Variants in ARPP21 observed in about 807,000 individuals in gnomAD.
ARPP21 encodes the protein cAMP regulated phosphoprotein 21.
ARPP21 carries 69 observed loss-of-function variants against 113.2 expected under a neutral mutation model. The ratio of observed to expected loss-of-function variants is 0.61; its 90% CI spans 0.50 to 0.74. ARPP21 has a LOEUF of 0.74. Among genes scored for constraint, ARPP21 ranks in the 30% least tolerant of loss-of-function variants. The probability of loss-of-function intolerance (pLI) is 0.00; values close to 1 mark genes in which losing one functional copy is unlikely to be tolerated. For synonymous variants in ARPP21, 368 were observed against 375.5 expected (o/e 0.98, Z 0.23); for missense variants, 1,070 against 1,037.4 (o/e 1.03, Z -0.43).
intron 11 of ARPP21, 30 bp downstream of exon 11, chr3:35,709,100 T>C: frequency 1.3e-6 from 2 of 1,487,224 alleles, no homozygotes; most frequent in Non-Finnish European, 1.9e-6. Context: ...GCCTCTTTAG[T>C]GCGCTCCTTC....
Position 35,709,026 on chromosome 3 carries a change from GAA to G in ARPP21, c.854_855del (p.Glu285GlyfsTer28). The G allele has an allele frequency of 6.2e-7, 1 of 1,613,888 alleles. No homozygotes were observed. Among genetic ancestry groups the G allele is most frequent in the South Asian group, 1.1e-5 (1 of 91,074 alleles). ...ACGAAGTAAATCAATTGAAGAGAGA[GAA>G]GAGGAATATCAGAGAGTGAGGGAGA... ...DRRSKSIEER[E>X]EEYQRVRERI... On this transcript the variant is annotated frameshift_variant, in exon 11 of 21. Transcript: ENST00000684406. LOFTEE classifies it high-confidence loss of function.
rs376125168 is a variant in ARPP21 at position 35,683,718 on chromosome 3, C to A, written c.172-8C>A. 26 of 1,029,176 alleles carry A rather than the reference C, an allele frequency of 2.5e-5. No individual in the cohort carries two copies. The South Asian group carries it at 2.7e-4, about 11-fold the overall frequency. The allele number at this position is 1,029,176 out of a possible 1,614,324, so 63.8% of individuals were successfully genotyped here. On this transcript the variant is annotated splice_region_variant and splice_polypyrimidine_tract_variant and intron_variant, in intron 4 of 20. Transcript: ENST00000684406. ...TCCTTTCCTTCCCTTTTCTTTCCCC[C>A]CTCCTAGTCAGGAGCAGGAAAAGGT... is the stretch of plus-strand genomic sequence containing the variant.
intron 19 of ARPP21, among the ~76,000 whole-genome samples, chr3:35,746,382 T>C (rs1362207001): frequency 6.6e-6 from 1 of 152,210 alleles, no homozygotes; most frequent in Non-Finnish European, 1.5e-5. Context: ...TTCCAAATGG[T>C]CATGGCAGTC....
intron 11 of ARPP21, among the ~76,000 whole-genome samples, chr3:35,709,835 G>A (rs34171898): frequency 0.11 from 16,683 of 152,194 alleles, 945 homozygotes; most frequent in Non-Finnish European, 0.12. Context: ...CAGTAGAAGT[G>A]TGAGCTCCTT....
intron 1 of ARPP21, among the ~76,000 whole-genome samples, chr3:35,664,964 A>G (rs939942442): frequency 6.6e-6 from 1 of 152,130 alleles, no homozygotes; most frequent in Admixed American, 6.5e-5. Context: ...TGTGTAACCT[A>G]ATTCAAGTGA....
intron 19 of ARPP21, among the ~76,000 whole-genome samples, chr3:35,748,500 AAAGG>A (rs1391622849): frequency 2.0e-5 from 3 of 151,356 alleles, no homozygotes; most frequent in Non-Finnish European, 1.5e-5. Flanking sequence ...AGGAAGGAAG[AAAGG>A]AAGGAAGGAA....
chr3:35,666,445 A>G (rs1307659675), intron 1 of ARPP21, among the ~76,000 whole-genome samples: 1 of 152,152 alleles, frequency 6.6e-6, no homozygotes, highest in Non-Finnish European at 1.5e-5. Context: ...CCAAGCACAA[A>G]ACATATTTTA....
intron 5 of ARPP21, chr3:35,685,615 T>A: frequency 1.0e-6 from 1 of 985,292 alleles, no homozygotes; most frequent in Non-Finnish European, 1.2e-6. Context: ...TTTGGAAAAC[T>A]GCCTTCATTT....
At chr3:35,772,927 G>A (rs987357396) in intron 19 of ARPP21, among the ~76,000 whole-genome samples, 2 of 152,046 alleles carry the variant, frequency 1.3e-5, no homozygotes, top group Non-Finnish European at 2.9e-5. Flanking sequence ...TTATTAGGTT[G>A]CAATTATTTT....
intron 1 of ARPP21, among the ~76,000 whole-genome samples, chr3:35,660,188 G>GA (rs1707053094): frequency 6.6e-6 from 1 of 152,114 alleles, no homozygotes; most frequent in Non-Finnish European, 1.5e-5. Flanking sequence ...CTAAATTACT[G>GA]AAAAATCTTT....
chr3:35,730,426 A>G (rs1490635186), intron 15 of ARPP21, among the ~76,000 whole-genome samples: 2 of 152,230 alleles, frequency 1.3e-5, no homozygotes, highest in African/African-American at 4.8e-5. Context: ...CCCAGTAGGT[A>G]GAGTACAGAA....
chr3:35,685,481 T>G (rs566472364), intron 5 of ARPP21: 2 of 985,312 alleles, frequency 2.0e-6, no homozygotes, highest in East Asian at 1.1e-4. Flanking sequence ...TGAGTTTATA[T>G]GCAATGCCTT....
intron 9 of ARPP21, among the ~76,000 whole-genome samples, chr3:35,705,224 G>A (rs777561139): frequency 6.6e-6 from 1 of 152,026 alleles, no homozygotes; most frequent in East Asian, 1.9e-4. Context: ...ATAAATATTG[G>A]ATGAAAATGT....
At chr3:35,662,374 A>G (rs1046736755) in intron 1 of ARPP21, among the ~76,000 whole-genome samples, 2 of 152,218 alleles carry the variant, frequency 1.3e-5, no homozygotes, top group African/African-American at 4.8e-5. Context: ...ACTGCAAAGC[A>G]TTTTCAACCC....
At chr3:35,670,141 T>A (rs1416864372) in intron 1 of ARPP21, among the ~76,000 whole-genome samples, 1 of 152,162 alleles carries the variant, frequency 6.6e-6, no homozygotes, top group Non-Finnish European at 1.5e-5. Context: ...CATTTATTTT[T>A]ATAAGATCAT....
intron 15 of ARPP21, among the ~76,000 whole-genome samples, chr3:35,730,659 G>T (rs1262765574): frequency 1.3e-5 from 2 of 152,174 alleles, no homozygotes; most frequent in East Asian, 3.8e-4. Flanking sequence ...TCTTCAATTA[G>T]CTAAACTCAA....
At position 35,792,544 on chromosome 3, in the gene ARPP21, G is replaced by C. The variant is rs1252761918; in HGVS notation, c.2286+14G>C. The C allele has an allele frequency of 6.2e-7, 1 of 1,613,822 alleles. No individual in the cohort carries two copies. Among genetic ancestry groups the C allele is most frequent in the African/African-American group, 1.3e-5 (1 of 75,036 alleles). ...TCTTCTTATCAGGTGCTCATAAGCA[G>C]CTTGGAAAATTGTGGGTTTTAAAGT... is the stretch of plus-strand genomic sequence containing the variant. On this transcript the variant is annotated intron_variant, in intron 20 of 20. Transcript: ENST00000684406.
In ARPP21 at chr3:35,721,832, C is replaced by T; in HGVS notation, c.1223C>T (p.Ala408Val). Residue 408 changes from alanine (A) to valine (V), a missense_variant and splice_region_variant, in exon 14 of 21, where the codon GCA (alanine) becomes GTA (valine). Transcript: ENST00000684406. The part of the protein sequence containing the change: ...STRSTGKLSK[A>V]GSESSSSAGS... The stretch of plus-strand genomic sequence containing the variant: ...AGGAGTACCGGGAAGCTGTCCAAAG[C>T]AGGTAGTTAGTACTGAATGTGTTTA... 6.3e-7 allele frequency: 1 copy of T among 1,594,704 alleles called. No homozygotes were observed. The highest frequency in any genetic ancestry group is 1.1e-5 in the South Asian group (1 of 88,540).
intron 5 of ARPP21, chr3:35,684,383 A>G: frequency 2.0e-6 from 2 of 985,456 alleles, no homozygotes; most frequent in Non-Finnish European, 2.4e-6. Flanking sequence ...TATTATTAAT[A>G]TATCACTGCA....
Sources: allele counts gnomAD v4.1 joint callset (sites outside exome capture counted in the v4.1 genomes callset), GRCh38; gene constraint gnomAD v4.1.1; transcripts MANE v1.5; gene names NCBI Gene and HGNC (gene_info 2026-07-23, HGNC 2026-07-21).